The following HSPBAP1 variants were observed in gnomAD, a reference collection of about 807,000 sequenced individuals.
HSPBAP1 encodes the protein HSPB1-associated protein 1.
In HSPBAP1, 27 loss-of-function variants were observed where a neutral mutation model predicts 45.2. The ratio of observed to expected loss-of-function variants is 0.60; its 90% confidence interval spans 0.44 to 0.82. The LOEUF is 0.82. Among genes scored for constraint, HSPBAP1 ranks in the 40% least tolerant of loss-of-function variants. The pLI, the probability that HSPBAP1 is intolerant of heterozygous loss-of-function variation, is 0.00. For synonymous variants in HSPBAP1, 204 were observed against 202.7 expected, an observed-to-expected ratio of 1.01 and a Z score of -0.06; for missense variants, 510 against 590.9, an observed-to-expected ratio of 0.86 and a Z score of 1.42.
At chr3:122,747,571 C>T (rs555568630) in intron 6 of HSPBAP1, among the ~76,000 whole-genome samples, 172 of 142,396 alleles carry the variant, frequency 1.2e-3, no homozygotes, top group East Asian at 3.0e-3. Flanking sequence ...CCGCCCCGTC[C>T]GGGAGGGAGG....
At chr3:122,758,917 G>C (rs78397662) in intron 4 of HSPBAP1, 4 of 249,794 alleles carry the variant, frequency 1.6e-5, no homozygotes, top group African/African-American at 3.2e-5. Context: ...AAAAAAAAAA[G>C]ACCAAGCAGA....
intron 3 of HSPBAP1, among the ~76,000 whole-genome samples, chr3:122,764,122 C>T (rs193266450): frequency 2.6e-5 from 4 of 152,338 alleles, no homozygotes; most frequent in Admixed American, 2.6e-4. Context: ...CAACACAGAA[C>T]GTTTGTGTTC....
intron 6 of HSPBAP1, among the ~76,000 whole-genome samples, chr3:122,750,310 TAAGAG>T (rs1297118078): frequency 3.9e-5 from 6 of 152,126 alleles, no homozygotes; most frequent in Non-Finnish European, 7.3e-5. Context: ...TTTTCAGTGT[TAAGAG>T]AAGAGATAAA....
intron 5 of HSPBAP1, chr3:122,754,833 G>A (rs534648326): frequency 1.2e-4 from 118 of 988,326 alleles, no homozygotes; most frequent in Admixed American, 4.3e-4. Context: ...CCTTCTGCCC[G>A]TTGGCCCACA....
At chr3:122,766,138 C>G (rs1039341827) in intron 3 of HSPBAP1, among the ~76,000 whole-genome samples, 1 of 152,144 alleles carries the variant, frequency 6.6e-6, no homozygotes, top group Non-Finnish European at 1.5e-5. Context: ...ATCTATCCCT[C>G]TAATGACATT....
intron 1 of HSPBAP1, among the ~76,000 whole-genome samples, chr3:122,781,001 G>A (rs1334213086): frequency 1.3e-5 from 2 of 149,856 alleles, no homozygotes; most frequent in African/African-American, 4.9e-5. Flanking sequence ...TGTGATGGCA[G>A]CCGGGAAGAG....
At chr3:122,770,161 C>T (rs1409854560) in intron 2 of HSPBAP1, among the ~76,000 whole-genome samples, 1 of 152,156 alleles carries the variant, frequency 6.6e-6, no homozygotes, top group East Asian at 1.9e-4. Context: ...TTTTCCTTTA[C>T]CTTCTTTTTC....
chr3:122,750,402 G>A (rs1323780630), intron 6 of HSPBAP1, among the ~76,000 whole-genome samples: 3 of 152,152 alleles, frequency 2.0e-5, no homozygotes, highest in Non-Finnish European at 4.4e-5. Context: ...TCTGATGATT[G>A]GGTGTCATGC....
intron 6 of HSPBAP1, among the ~76,000 whole-genome samples, chr3:122,746,988 G>A (rs1184198772): frequency 6.6e-6 from 1 of 152,002 alleles, no homozygotes; most frequent in Non-Finnish European, 1.5e-5. Context: ...GCAGTGGCGT[G>A]ATCTCGGCTC....
intron 1 of HSPBAP1, 63 bp from the exon 2 acceptor site, chr3:122,777,969 A>G (rs1429593772): frequency 9.6e-7 from 1 of 1,041,656 alleles, no homozygotes; most frequent in East Asian, 2.5e-5. Flanking sequence ...TACAATATGG[A>G]GAAAAAATAG....
chr3:122,753,437 A>C (rs1934232337), intron 5 of HSPBAP1: 1 of 981,872 alleles, frequency 1.0e-6, no homozygotes. Flanking sequence ...GAGAAATTCT[A>C]AGTAGGGGGA....
Position 122,770,535 on chromosome 3 carries a change from C to CA in HSPBAP1, c.251-1654dup, listed in dbSNP as rs990632063. Among the ~76,000 whole-genome samples the CA allele has an allele frequency of 7.2e-5, 11 of 152,076 alleles. No individual in the cohort carries two copies. In the East Asian group the frequency reaches 2.1e-3, roughly 29 times the overall value. Reference sequence around the variant, plus strand: ...GCAATACGGTGAAACCCTGTCTCTACAAAAAATACAAAAAAATTAGCCAGA... The same window carrying CA: ...GCAATACGGTGAAACCCTGTCTCTACAAAAAAATACAAAAAAATTAGCCAGA... On this transcript the variant is annotated intron_variant, in intron 2 of 7. Transcript: ENST00000306103.
intron 2 of HSPBAP1, among the ~76,000 whole-genome samples, chr3:122,772,011 A>T (rs1935018053): frequency 6.6e-6 from 1 of 152,240 alleles, no homozygotes; most frequent in African/African-American, 2.4e-5. Context: ...ACACAGAAAC[A>T]ACTGGCTTTT....
Position 122,771,033 on chromosome 3 carries a change from C to T in HSPBAP1, c.251-2151G>A, listed in dbSNP as rs140109040. Among the ~76,000 whole-genome samples, 680 of 152,352 alleles carry T rather than the reference C, an allele frequency of 4.5e-3. 7 individuals are homozygous for T. Among genetic ancestry groups the T allele is most frequent in the African/African-American group, 0.016 (647 of 41,578 alleles). ...TCTCAGGCAAGCCTGATTTGCAGCC[C>T]CCAGAAACTGGCCTCATTAGAAGAC... is the stretch of plus-strand genomic sequence containing the variant. On this transcript the variant is annotated intron_variant, in intron 2 of 7. Coordinates refer to ENST00000306103, the MANE Select transcript of HSPBAP1 (RefSeq NM_024610.6).
At chr3:122,747,828 C>T (rs1332844740) in intron 6 of HSPBAP1, among the ~76,000 whole-genome samples, 1 of 151,882 alleles carries the variant, frequency 6.6e-6, no homozygotes, top group Non-Finnish European at 1.5e-5. Flanking sequence ...CCAGCCGCCC[C>T]TACTGGGAAG....
chr3:122,780,000 C>T (rs1935356024), intron 1 of HSPBAP1, among the ~76,000 whole-genome samples: 1 of 152,172 alleles, frequency 6.6e-6, no homozygotes, highest in South Asian at 2.1e-4. Flanking sequence ...GTCATCATGG[C>T]CCGTTCTCAA....
Position 122,740,745 on chromosome 3 carries a change from T to C in HSPBAP1, c.1067A>G (p.Lys356Arg), listed in dbSNP as rs1205110303. Reference sequence around the variant, plus strand: ...GTGGTTGCACACATTTAATTCTTCCTTTTTCATGTGCTCTCCATCTGTTCT... The same window carrying C: ...GTGGTTGCACACATTTAATTCTTCCCTTTTCATGTGCTCTCCATCTGTTCT... ...ALRTDGEHMK[K>R]EELNVCNHME... The change falls in exon 8 of 8, where the codon AAG becomes AGG. Residue 356 changes from lysine to arginine, a missense_variant. By Grantham distance (26) the Lys-to-Arg change is conservative. Transcript: ENST00000306103. 1 of 1,614,020 alleles carries C rather than the reference T, an allele frequency of 6.2e-7. No individual in the cohort carries two copies. Among genetic ancestry groups the C allele is most frequent in the African/African-American group, 1.3e-5 (1 of 74,940 alleles).
chr3:122,792,227 G>T (rs981170709), intron 1 of HSPBAP1, among the ~76,000 whole-genome samples: 1 of 152,108 alleles, frequency 6.6e-6, no homozygotes, highest in Non-Finnish European at 1.5e-5. Flanking sequence ...CACTTTATAC[G>T]GTCATCAGTT....
rs370989049 is a variant in HSPBAP1, at chr3:122,752,574, A to C, written c.825+17T>G. 131 of 1,514,116 alleles carry C rather than the reference A, an allele frequency of 8.7e-5. No individual in the cohort carries two copies. Among genetic ancestry groups the C allele is most frequent in the African/African-American group, 2.8e-5 (2 of 70,820 alleles). 93.8% of individuals were successfully genotyped at this position (1,514,116 alleles called of 1,614,324 possible). ...TTGCACTTACTTAAAAAAAAAAAAA[A>C]AACAACGAAAAAGTACCAGTTCAAT... On this transcript the variant is annotated intron_variant, in intron 6 of 7. Coordinates refer to ENST00000306103, the MANE Select transcript of HSPBAP1 (RefSeq NM_024610.6).
Sources: gnomAD v4.1 joint callset for allele counts (sites outside exome capture counted in the v4.1 genomes callset) on GRCh38, gnomAD v4.1.1 for gene constraint, MANE v1.5 for transcripts, NCBI Gene and HGNC (gene_info 2026-07-23, HGNC 2026-07-21) for gene names.